Variants in THOC6 observed in about 807,000 individuals in gnomAD.
THOC6 encodes THO complex 6.
In THOC6, 39 loss-of-function variants were observed where a neutral mutation model predicts 55.8. The ratio of observed to expected loss-of-function variants is 0.70; its 90% CI spans 0.54 to 0.91. THOC6 has a LOEUF of 0.91. Ranked by LOEUF, THOC6 falls within the 40% of genes least tolerant of loss-of-function variation. The pLI is 0.00. For synonymous variants in THOC6, 192 were observed against 175.6 expected, an observed-to-expected ratio of 1.09 and a Z score of -0.74; for missense variants, 482 against 442.0, an observed-to-expected ratio of 1.09 and a Z score of -0.81.
At position 3,025,876 on chromosome 16, in the gene THOC6, C is replaced by T. The variant is rs202031783; in HGVS notation, c.156-48C>T. The T allele has an allele frequency of 2.1e-4, 340 of 1,614,136 alleles. 1 individual carries two copies. In the African/African-American group the frequency reaches 4.2e-3, roughly 20 times the overall value. Reference sequence around the variant, plus strand: ...GCCCTGGCACTTGGCCCTCATGGGACGGATGCCCCCGTTTCTGACTCCTGG... The same window carrying T: ...GCCCTGGCACTTGGCCCTCATGGGATGGATGCCCCCGTTTCTGACTCCTGG... On this transcript the variant is annotated intron_variant, in intron 2 of 12. Coordinates refer to ENST00000326266, the MANE Select transcript of THOC6 (RefSeq NM_024339.5).
chr16:3,026,980 A>C, intron 9 of THOC6, 31 bp from the exon 10 acceptor site: 1 of 1,613,518 alleles, frequency 6.2e-7, no homozygotes, highest in South Asian at 1.1e-5. Context: ...CCAGGTCTTC[A>C]CCTCTTTCCC....
At position 3,024,243 on chromosome 16, in the gene THOC6, C is replaced by T; in HGVS notation, c.-84C>T. 1.9e-6 allele frequency: 3 copies of T among 1,573,104 alleles called. No homozygotes were observed. The highest frequency in any genetic ancestry group is 1.3e-5 in the African/African-American group (1 of 74,148). The stretch of plus-strand genomic sequence containing the variant: ...CCTTCGCGCCGAAGGCGGTAGGGCG[C>T]CACGGAGAGGAACCGCTCTAGGCAC... On this transcript the variant is annotated 5_prime_UTR_variant, in exon 1 of 13. Transcript: ENST00000326266.
In THOC6 at chr16:3,026,863, G is replaced by C; in HGVS notation, c.587-4G>C. ...GGGCACCACTCACAGTTCTTTCCCC[G>C]CAGACCTGCGCACAGCCAAGGAGGT... is the stretch of plus-strand genomic sequence containing the variant. On this transcript the variant is annotated splice_region_variant and splice_polypyrimidine_tract_variant and intron_variant, in intron 8 of 12. Coordinates refer to ENST00000326266, the MANE Select transcript of THOC6 (RefSeq NM_024339.5). 1.2e-6 allele frequency: 2 copies of C among 1,614,164 alleles called. No homozygotes were observed. The highest frequency in any genetic ancestry group is 2.2e-5 in the South Asian group (2 of 91,080).
chr16:3,024,726 C>T (rs1156837543), intron 1 of THOC6, among the ~76,000 whole-genome samples: 1 of 151,106 alleles, frequency 6.6e-6, no homozygotes, highest in Non-Finnish European at 1.5e-5. Flanking sequence ...CCTCCGCCTC[C>T]CAGGTTCAAG....
Position 3,026,574 on chromosome 16 carries a change from C to G in THOC6, c.470C>G (p.Thr157Ser). The change falls in exon 7 of 13, where the codon ACT becomes AGT. Residue 157 changes from threonine (T) to serine (S), a missense_variant. By Grantham distance (58) the Thr-to-Ser change is moderately conservative. Transcript: ENST00000326266. Reference sequence around the variant, plus strand: ...CAGTTGCACACTATGGACCTTGAAACTGGGACTTTCACGGTGAGCAGGGTC... The same window carrying G: ...CAGTTGCACACTATGGACCTTGAAAGTGGGACTTTCACGGTGAGCAGGGTC... Reference protein sequence around the residue: ...DCQLHTMDLETGTFTRVLRGH... With the variant: ...DCQLHTMDLESGTFTRVLRGH... 3 of 1,614,130 alleles carry G rather than the reference C, an allele frequency of 1.9e-6. No homozygotes were observed. The Middle Eastern group carries it at 4.9e-4, about 266-fold the overall frequency.
intron 1 of THOC6, among the ~76,000 whole-genome samples, chr16:3,024,817 T>G (rs930032438): frequency 6.6e-6 from 1 of 150,702 alleles, no homozygotes; most frequent in African/African-American, 2.4e-5. Context: ...GTGTTTTTAG[T>G]AGAGACAGGG....
intron 4 of THOC6, 34 bp downstream of exon 4, chr16:3,026,200 C>T: frequency 2.5e-6 from 4 of 1,613,518 alleles, no homozygotes; most frequent in Non-Finnish European, 3.4e-6. Flanking sequence ...GGCTGGGGTG[C>T]CTGGACCCAG....
chr16:3,026,665 C>A lies in THOC6; in HGVS notation c.484-14C>A, dbSNP rs1405115375. The A allele has an allele frequency of 1.2e-6, 2 of 1,610,980 alleles. No individual in the cohort carries two copies. Among genetic ancestry groups the A allele is most frequent in the Admixed American group, 3.3e-5 (2 of 59,804 alleles). ...TTCCTAGGTCTCCTCCTGACATCGC[C>A]CCTCTACATGCAGAGGGTCCTCCGG... On this transcript the variant is annotated splice_polypyrimidine_tract_variant and intron_variant, in intron 7 of 12. Transcript: ENST00000326266.
Position 3,024,204 on chromosome 16 carries a change from G to T in THOC6, c.-123G>T. 4.0e-6 allele frequency: 5 copies of T among 1,255,428 alleles called. No homozygotes were observed. The highest frequency in any genetic ancestry group is 5.7e-6 in the Non-Finnish European group (5 of 877,214). The allele number at this position is 1,255,428 out of a possible 1,614,324, so 77.8% of individuals were successfully genotyped here. A position where few individuals can be genotyped will look rare whatever the true frequency, so the allele number is the denominator to read the frequency against. On this transcript the variant is annotated 5_prime_UTR_variant, in exon 1 of 13. Transcript: ENST00000326266. ...ACCTCGGCTCCTAGGGTTCGGGACG[G>T]TACGCACCAGCCACCTTCGCGCCGA...
intron 1 of THOC6, among the ~76,000 whole-genome samples, chr16:3,024,987 A>T (rs1168183112): frequency 8.8e-6 from 1 of 113,206 alleles, no homozygotes; most frequent in Non-Finnish European, 1.8e-5. Flanking sequence ...TTGTTGCCCA[A>T]GCTGGAGTGC....
In THOC6 at chr16:3,027,410, G is replaced by T. The variant is rs748740332; in HGVS notation, c.855G>T (p.Leu285=). Residue 285 remains leucine, a synonymous_variant, in exon 12 of 13, where the codon CTG becomes CTT. Coordinates refer to ENST00000326266, the MANE Select transcript of THOC6 (RefSeq NM_024339.5). The part of the protein sequence containing the change: ...GQGRCVNQWQ[L]SGELKAQVPG... The stretch of plus-strand genomic sequence containing the variant: ...GCCGCTGCGTCAACCAGTGGCAGCT[G>T]AGCGGGGAGCTGAAGGCCCAGGTGC... 3.1e-6 allele frequency: 5 copies of T among 1,612,546 alleles called. No individual in the cohort carries two copies. The South Asian group carries it at 5.5e-5, about 18-fold the overall frequency.
chr16:3,024,424 C>T (rs2072728734), intron 1 of THOC6, 59 bp downstream of exon 1: 3 of 1,605,318 alleles, frequency 1.9e-6, no homozygotes, highest in Non-Finnish European at 2.6e-6. Flanking sequence ...ATGGCTGGGA[C>T]GGGGCGGGCA....
At position 3,026,722 on chromosome 16, in the gene THOC6, T is replaced by G. The variant is rs1214613720; in HGVS notation, c.527T>G (p.Leu176Arg). 1.2e-6 allele frequency: 2 copies of G among 1,613,856 alleles called. No individual in the cohort carries two copies. The highest frequency in any genetic ancestry group is 1.7e-6 in the Non-Finnish European group (2 of 1,179,896). Residue 176 changes from leucine (L) to arginine (R), a missense_variant, in exon 8 of 13, where the codon CTG becomes CGG. Physicochemically the swap from Leu to Arg is moderately radical, Grantham distance 102 (BLOSUM62 -2). Transcript: ENST00000326266. The stretch of plus-strand genomic sequence containing the variant: ...ACAGACTACATCCACTGCCTGGCAC[T>G]GCGGGAAAGGAGCCCAGAGGTGCTG... ...GHTDYIHCLA[L>R]RERSPEVLSG...
chr16:3,026,331 C>A (rs754627644), intron 5 of THOC6, 34 bp from the exon 6 acceptor site: 9 of 1,614,054 alleles, frequency 5.6e-6, no homozygotes, highest in Admixed American at 3.3e-5. Flanking sequence ...AGGGTGAAGC[C>A]ACTTCCTCAC....
chr16:3,024,375 A>G lies in THOC6; in HGVS notation c.39+10A>G. 2 of 1,614,070 alleles carry G rather than the reference A, an allele frequency of 1.2e-6. No homozygotes were observed. Among genetic ancestry groups the G allele is most frequent in the Non-Finnish European group, 1.7e-6 (2 of 1,179,988 alleles). On this transcript the variant is annotated intron_variant, in intron 1 of 12. Transcript: ENST00000326266. Reference sequence around the variant, plus strand: ...GGTGCCTCTGGGTCAGGTGAGACGGACGTGGTGCGCGTTGCCTTCTGGGGT... The same window carrying G: ...GGTGCCTCTGGGTCAGGTGAGACGGGCGTGGTGCGCGTTGCCTTCTGGGGT...
chr16:3,026,587 G>C lies in THOC6; in HGVS notation c.483G>C (p.Thr161=). Residue 161 remains threonine, a splice_region_variant and synonymous_variant, in exon 7 of 13, where the codon ACG becomes ACC. Transcript: ENST00000326266. ...HTMDLETGTF[T]RVLRGHTDYI... ...TGGACCTTGAAACTGGGACTTTCACGGTGAGCAGGGTCCTGGAGCCCTAGA... is the reference window on the plus strand; with the variant it reads ...TGGACCTTGAAACTGGGACTTTCACCGTGAGCAGGGTCCTGGAGCCCTAGA... The C allele has an allele frequency of 6.2e-7, 1 of 1,613,976 alleles. No individual in the cohort carries two copies. Among genetic ancestry groups the C allele is most frequent in the Non-Finnish European group, 8.5e-7 (1 of 1,179,956 alleles).
In THOC6 at chr16:3,026,258, A is replaced by C. The variant is rs1210142413; in HGVS notation, c.332A>C (p.Lys111Thr). 6.2e-7 allele frequency: 1 copy of C among 1,613,996 alleles called. No individual in the cohort carries two copies. The highest frequency in any genetic ancestry group is 1.3e-5 in the African/African-American group (1 of 74,882). Reference sequence around the variant, plus strand: ...GTATTTTCTCTTTTGAAGGGCTGTAAGGAGCTGTGGCGTCGTCAGCCTCCA... The same window carrying C: ...GTATTTTCTCTTTTGAAGGGCTGTACGGAGCTGTGGCGTCGTCAGCCTCCA... ...LWAEMLKKGC[K>T]ELWRRQPPYR... is the part of the protein sequence containing the mutation. The change falls in exon 5 of 13, where the codon AAG becomes ACG. Residue 111 changes from lysine (K) to threonine (T), a missense_variant. By Grantham distance (78) the Lys-to-Thr change is moderately conservative (BLOSUM62 -1). Transcript: ENST00000326266.
rs756033587 is a variant in THOC6, at chr16:3,027,704, A to AT, written c.*51dup. ...AGCTCAGGGTTTTAGAGTGTTTTTC[A>AT]TTTTCTTTTTTTTTTTTTTTTTACA... On this transcript the variant is annotated 3_prime_UTR_variant, in exon 13 of 13. Coordinates refer to ENST00000326266, the MANE Select transcript of THOC6 (RefSeq NM_024339.5). 39 of 1,384,164 alleles carry AT rather than the reference A, an allele frequency of 2.8e-5. No homozygotes were observed. The highest frequency in any genetic ancestry group is 1.1e-4 in the South Asian group (7 of 66,438). The allele number at this position is 1,384,164 out of a possible 1,614,324, so 85.7% of individuals were successfully genotyped here.
chr16:3,025,730 A>G lies in THOC6; in HGVS notation c.62A>G (p.Gln21Arg), dbSNP rs1330717083. 5 of 1,614,104 alleles carry G rather than the reference A, an allele frequency of 3.1e-6. No homozygotes were observed. Among genetic ancestry groups the G allele is most frequent in the Admixed American group, 3.3e-5 (2 of 60,018 alleles). ...LGQTEVFQALQRLHMTIFSQS... is the reference protein window; with the variant it reads ...LGQTEVFQALRRLHMTIFSQS... Reference sequence around the variant, plus strand: ...CAGACAGAGGTGTTCCAGGCCTTGCAGCGGCTCCATATGACCATCTTCTCC... The same window carrying G: ...CAGACAGAGGTGTTCCAGGCCTTGCGGCGGCTCCATATGACCATCTTCTCC... The change falls in exon 2 of 13, where the codon CAG (glutamine) becomes CGG (arginine). Residue 21 changes from glutamine to arginine, a missense_variant. Gln to Arg is a conservative substitution (Grantham distance 43). Coordinates refer to ENST00000326266, the MANE Select transcript of THOC6 (RefSeq NM_024339.5).
Sources: allele counts gnomAD v4.1 joint callset (sites outside exome capture counted in the v4.1 genomes callset), GRCh38; gene constraint gnomAD v4.1.1; transcripts MANE v1.5; gene names NCBI Gene and HGNC (gene_info 2026-07-23, HGNC 2026-07-21).